The following THNSL1 variants were observed in gnomAD, a reference collection of about 807,000 sequenced individuals.
THNSL1 encodes threonine synthase like 1.
A neutral mutation model predicts 50.4 loss-of-function variants in THNSL1; 48 were observed. That is an observed-to-expected ratio of 0.95 (90% confidence interval 0.76 to 1.21). The LOEUF (loss-of-function observed/expected upper bound fraction) is 1.21. Among genes scored for constraint, THNSL1 ranks in the 50% most tolerant of loss-of-function variants. The pLI is 0.00. For synonymous variants in THNSL1, 309 were observed against 306.1 expected, an observed-to-expected ratio of 1.01 and a Z score of -0.10; for missense variants, 896 against 871.7, an observed-to-expected ratio of 1.03 and a Z score of -0.35.
At chr10:25,017,491 C>T (rs1192900252) in intron 1 of THNSL1, among the ~76,000 whole-genome samples, 1 of 152,030 alleles carries the variant, frequency 6.6e-6, no homozygotes. Context: ...GGTTGGCTGG[C>T]GGAGTGATTA....
chr10:25,001,132 T>C, the THNSL1 span, among the ~76,000 whole-genome samples: 2 of 152,088 alleles, frequency 1.3e-5, no homozygotes, highest in African/African-American at 2.4e-5. Context: ...TTTACCCATA[T>C]ATTTGCCATT....
the THNSL1 span, among the ~76,000 whole-genome samples, chr10:24,994,031 A>C: frequency 6.6e-6 from 1 of 152,252 alleles, no homozygotes; most frequent in African/African-American, 2.4e-5. Flanking sequence ...TACCTGGAGA[A>C]GCCTGAAGTA....
the THNSL1 span, among the ~76,000 whole-genome samples, chr10:25,009,829 A>G: frequency 6.6e-6 from 1 of 152,250 alleles, no homozygotes; most frequent in Middle Eastern, 3.4e-3. Context: ...CCACTATGTA[A>G]GATGTGACTT....
upstream of THNSL1, chr10:25,015,941 A>T: frequency 1.2e-6 from 2 of 1,604,594 alleles, no homozygotes; most frequent in Non-Finnish European, 1.7e-6. Flanking sequence ...ATCCATGGCC[A>T]CCAAATGACT....
the THNSL1 span, among the ~76,000 whole-genome samples, chr10:24,977,574 G>A: frequency 2.6e-5 from 4 of 152,086 alleles, no homozygotes; most frequent in South Asian, 2.1e-4. Context: ...TATTATATAC[G>A]CCTACACAGT....
intron 1 of THNSL1, among the ~76,000 whole-genome samples, chr10:25,018,616 T>C (rs2132741800): frequency 6.6e-6 from 1 of 151,786 alleles, no homozygotes; most frequent in South Asian, 2.1e-4. Context: ...TAGATCCCCG[T>C]ATATAATGGT....
chr10:24,961,412 A>G, the THNSL1 span, among the ~76,000 whole-genome samples: 1 of 152,216 alleles, frequency 6.6e-6, no homozygotes, highest in African/African-American at 2.4e-5. Flanking sequence ...TAAACCATTT[A>G]TATGCATTTT....
chr10:24,976,492 C>A, the THNSL1 span, among the ~76,000 whole-genome samples: 5 of 151,750 alleles, frequency 3.3e-5, no homozygotes, highest in Admixed American at 2.6e-4. Context: ...TTTTCTTTTT[C>A]TTTTGTTTTT....
chr10:24,969,531 T>G, the THNSL1 span, among the ~76,000 whole-genome samples: 1 of 152,176 alleles, frequency 6.6e-6, no homozygotes, highest in African/African-American at 2.4e-5. Flanking sequence ...TTAATAAGAT[T>G]GTAAGATATA....
At chr10:24,984,233 G>T in the THNSL1 span, 1 of 940,720 alleles carries the variant, frequency 1.1e-6, no homozygotes, top group Non-Finnish European at 1.6e-6. Context: ...AAATGTCATG[G>T]GCCACAGGAA....
At chr10:24,988,845 C>T in the THNSL1 span, among the ~76,000 whole-genome samples, 1 of 151,574 alleles carries the variant, frequency 6.6e-6, no homozygotes, top group African/African-American at 2.4e-5. Context: ...GGACATACAA[C>T]CAGATTGTCA....
the THNSL1 span, among the ~76,000 whole-genome samples, chr10:25,001,685 G>A: frequency 6.6e-6 from 1 of 151,834 alleles, no homozygotes; most frequent in Non-Finnish European, 1.5e-5. Context: ...TTTTGTATAT[G>A]GTATTCTTTA....
At chr10:25,011,940 T>A (rs1310409064), upstream of THNSL1, among the ~76,000 whole-genome samples, 1 of 152,186 alleles carries the variant, frequency 6.6e-6, no homozygotes, top group East Asian at 1.9e-4. Context: ...GCCCCTCCCA[T>A]CACAGGCCCA....
the THNSL1 span, among the ~76,000 whole-genome samples, chr10:24,997,228 A>G: frequency 2.0e-5 from 3 of 152,152 alleles, no homozygotes; most frequent in African/African-American, 7.2e-5. Context: ...ATCTCCAAAA[A>G]TAAAAACAAA....
the THNSL1 span, among the ~76,000 whole-genome samples, chr10:25,002,050 A>G: frequency 2.6e-5 from 4 of 152,078 alleles, no homozygotes; most frequent in Non-Finnish European, 5.9e-5. Flanking sequence ...AAACAGTGTG[A>G]TCATTTTAAG....
the THNSL1 span, among the ~76,000 whole-genome samples, chr10:24,981,677 G>A: frequency 1.3e-5 from 2 of 152,142 alleles, no homozygotes; most frequent in Non-Finnish European, 2.9e-5. Flanking sequence ...CGCACGTATT[G>A]TTCCATTCAT....
At chr10:24,966,498 G>T in the THNSL1 span, among the ~76,000 whole-genome samples, 1 of 152,182 alleles carries the variant, frequency 6.6e-6, no homozygotes, top group Non-Finnish European at 1.5e-5. Flanking sequence ...TAACTGAGCA[G>T]CCTGGGCTGC....
At chr10:24,981,955 A>G in the THNSL1 span, 1 of 152,236 alleles carries the variant, frequency 6.6e-6, no homozygotes, top group East Asian at 1.9e-4. Flanking sequence ...ATGTCATGAT[A>G]ATAATATCAA....
the THNSL1 span, among the ~76,000 whole-genome samples, chr10:24,986,721 C>T: frequency 6.6e-6 from 1 of 152,060 alleles, no homozygotes; most frequent in Admixed American, 6.6e-5. Context: ...TGTACAATAA[C>T]GTTTGGATCA....
Sources: gnomAD v4.1 joint callset for allele counts (sites outside exome capture counted in the v4.1 genomes callset) on GRCh38, gnomAD v4.1.1 for gene constraint, MANE v1.5 for transcripts, NCBI Gene and HGNC (gene_info 2026-07-23, HGNC 2026-07-21) for gene names.